The following LRCH1 variants were observed in gnomAD, a reference collection of about 807,000 sequenced individuals.
LRCH1 encodes the protein leucine-rich repeat and calponin homology domain-containing protein 1.
In LRCH1, 23 loss-of-function variants were observed where a neutral mutation model predicts 94.9. The observed-to-expected ratio is 0.24, with a 90% CI of 0.17 to 0.34. The LOEUF (loss-of-function observed/expected upper bound fraction) is 0.34. Ranked by LOEUF, LRCH1 falls within the 10% of genes least tolerant of loss-of-function variation. The pLI, the probability that LRCH1 is intolerant of heterozygous loss-of-function variation, is 1.00. For synonymous variants in LRCH1, 364 were observed against 354.9 expected (o/e 1.03, Z -0.29); for missense variants, 790 against 945.9 (o/e 0.84, Z 2.16).
At chr13:46,605,268 C>A (rs2050674992) in intron 1 of LRCH1, among the ~76,000 whole-genome samples, 1 of 152,186 alleles carries the variant, frequency 6.6e-6, no homozygotes, top group African/African-American at 2.4e-5. Flanking sequence ...GAAGGGCACA[C>A]CTTAGGTTAC....
chr13:46,690,725 G>A (rs1175847442), intron 7 of LRCH1, among the ~76,000 whole-genome samples: 2 of 152,130 alleles, frequency 1.3e-5, no homozygotes, highest in Non-Finnish European at 2.9e-5. Context: ...GCCTTTCCTT[G>A]TCTTATATTA....
chr13:46,650,497 A>G (rs539492558), intron 2 of LRCH1, 152 bp downstream of exon 2: 4 of 603,170 alleles, frequency 6.6e-6, no homozygotes, highest in Non-Finnish European at 1.1e-5. Flanking sequence ...CTTTTCTAAT[A>G]AATTTGTAAT....
At chr13:46,701,643 A>G (rs895641991) in intron 11 of LRCH1, among the ~76,000 whole-genome samples, 2 of 152,248 alleles carry the variant, frequency 1.3e-5, no homozygotes, top group Non-Finnish European at 2.9e-5. Context: ...TGTTAACTGA[A>G]GAATATATTT....
intron 16 of LRCH1, among the ~76,000 whole-genome samples, chr13:46,722,375 A>G: frequency 6.6e-6 from 1 of 152,200 alleles, no homozygotes; most frequent in Non-Finnish European, 1.5e-5. Flanking sequence ...GAAAAAAAAA[A>G]TCAAGTTTAA....
chr13:46,650,537 TCC>T (rs1026067620), intron 2 of LRCH1, among the ~76,000 whole-genome samples, 192 bp downstream of exon 2: 6 of 146,810 alleles, frequency 4.1e-5, no homozygotes, highest in African/African-American at 1.3e-4. Context: ...GTGCTAGACT[TCC>T]CTGAATATGA....
intron 3 of LRCH1, among the ~76,000 whole-genome samples, chr13:46,676,176 G>A (rs896156081): frequency 2.6e-5 from 4 of 151,822 alleles, no homozygotes; most frequent in African/African-American, 9.7e-5. Context: ...GAGGAGAATC[G>A]CTTGAACCTG....
At chr13:46,725,741 T>C (rs1353922699) in intron 17 of LRCH1, among the ~76,000 whole-genome samples, 3 of 152,210 alleles carry the variant, frequency 2.0e-5, no homozygotes, top group Admixed American at 6.5e-5. Context: ...TTACCACCAC[T>C]TTAAGCCACT....
intron 16 of LRCH1, among the ~76,000 whole-genome samples, chr13:46,720,207 C>A (rs1011445646): frequency 6.6e-6 from 1 of 151,736 alleles, no homozygotes; most frequent in East Asian, 1.9e-4. Context: ...GGCAATATGG[C>A]GAAACCCCAC....
intron 1 of LRCH1, among the ~76,000 whole-genome samples, chr13:46,572,670 C>CA (rs1385843890): frequency 1.3e-5 from 2 of 152,084 alleles, no homozygotes; most frequent in Non-Finnish European, 2.9e-5. Flanking sequence ...AGACAGTGCA[C>CA]AATTGTGGGC....
intron 1 of LRCH1, among the ~76,000 whole-genome samples, chr13:46,566,935 G>T (rs2050190990): frequency 6.6e-6 from 1 of 152,150 alleles, no homozygotes; most frequent in Non-Finnish European, 1.5e-5. Context: ...CCATTTCTAA[G>T]AATTGTGTTT....
chr13:46,600,618 TACAC>T (rs3068695), intron 1 of LRCH1, among the ~76,000 whole-genome samples: 226 of 143,280 alleles, frequency 1.6e-3, no homozygotes, highest in Admixed American at 6.2e-3. Context: ...TGACCAGATT[TACAC>T]ACACACACAC....
chr13:46,707,669 G>T (rs12146889), intron 13 of LRCH1, among the ~76,000 whole-genome samples: 210 of 152,248 alleles, frequency 1.4e-3, no homozygotes, highest in Non-Finnish European at 2.3e-3. Flanking sequence ...TACACAATTG[G>T]ATGGTCATTC....
In LRCH1 at chr13:46,553,499, C is replaced by T; in HGVS notation, c.103C>T (p.His35Tyr). 6.5e-7 allele frequency: 1 copy of T among 1,547,662 alleles called. No individual in the cohort carries two copies. The highest frequency in any genetic ancestry group is 8.7e-7 in the Non-Finnish European group (1 of 1,145,408). ...CCACCACCACCACCACCACCATCAGCACCACGGAGGAACCGGCGCCCCCGG... is the reference window on the plus strand; with the variant it reads ...CCACCACCACCACCACCACCATCAGTACCACGGAGGAACCGGCGCCCCCGG... ...HPHHHHHHHQHHGGTGAPGGA... is the reference protein window; with the variant it reads ...HPHHHHHHHQYHGGTGAPGGA... The change falls in exon 1 of 20, where the codon CAC (histidine) becomes TAC (tyrosine). Residue 35 changes from histidine (H) to tyrosine (Y), a missense_variant. By Grantham distance (83) the His-to-Tyr change is moderately conservative. Around this residue, in one of 3 missense-constraint regions of LRCH1, gnomAD observed 136 missense variants for 143.5 expected, o/e 0.95. Transcript: ENST00000389797.
intron 1 of LRCH1, among the ~76,000 whole-genome samples, chr13:46,639,465 A>G (rs1194023992): frequency 1.3e-5 from 2 of 152,196 alleles, no homozygotes; most frequent in Non-Finnish European, 2.9e-5. Context: ...TCTGGCTGGT[A>G]AGAGACTGTT....
chr13:46,726,983 G>A (rs1388255007), intron 17 of LRCH1, among the ~76,000 whole-genome samples: 2 of 151,658 alleles, frequency 1.3e-5, no homozygotes, highest in African/African-American at 2.4e-5. Flanking sequence ...TTCCAAGGAC[G>A]AGGAAGATCC....
intron 1 of LRCH1, among the ~76,000 whole-genome samples, chr13:46,591,039 C>A (rs1393594183): frequency 1.3e-5 from 2 of 151,956 alleles, no homozygotes; most frequent in African/African-American, 4.8e-5. Flanking sequence ...GACTCTCCTT[C>A]ATTTTCAAAG....
chr13:46,615,281 G>T (rs550758812), intron 1 of LRCH1, among the ~76,000 whole-genome samples: 41 of 152,320 alleles, frequency 2.7e-4, no homozygotes, highest in South Asian at 2.5e-3. Flanking sequence ...GAAGGCTAAG[G>T]GGGAGCAGGC....
At chr13:46,678,327 G>A (rs976546253) in intron 3 of LRCH1, among the ~76,000 whole-genome samples, 8 of 152,120 alleles carry the variant, frequency 5.3e-5, no homozygotes, top group Non-Finnish European at 8.8e-5. Flanking sequence ...GACCCATGGG[G>A]TTTTATTTTT....
rs192429422 is a variant in LRCH1, at chr13:46,744,189, C to T, written c.*2341C>T. 1.2e-4 allele frequency: 122 copies of T among 985,398 alleles called. No individual in the cohort carries two copies. In the African/African-American group the frequency reaches 2.0e-3, roughly 16 times the overall value. The allele number at this position is 985,398 out of a possible 1,614,324, so 61.0% of individuals were successfully genotyped here. On this transcript the variant is annotated 3_prime_UTR_variant, in exon 20 of 20. Transcript: ENST00000389797. ...TGCCTGCGGATGCCTGCCCTTGCAG[C>T]TTGACTGGGGATACCTGGCTGACCT...
Sources: gnomAD v4.1 joint callset for allele counts (sites outside exome capture counted in the v4.1 genomes callset) on GRCh38, gnomAD v4.1.1 for gene constraint, gnomAD v4.1.1 regional missense constraint, MANE v1.5 for transcripts, NCBI Gene and HGNC (gene_info 2026-07-23, HGNC 2026-07-21) for gene names.